The following KCNQ1 variants were observed in gnomAD, a reference collection of about 807,000 sequenced individuals.
KCNQ1 encodes potassium voltage-gated channel subfamily Q member 1, also known as potassium voltage-gated channel subfamily KQT member 1.
KCNQ1 carries 49 observed loss-of-function variants against 72.4 expected under a neutral mutation model. That is an observed-to-expected ratio of 0.68 (90% CI 0.54 to 0.86). KCNQ1 has a LOEUF of 0.86. Ranked by LOEUF, KCNQ1 falls within the 40% of genes least tolerant of loss-of-function variation. The probability of loss-of-function intolerance (pLI) is 0.00; values close to 1 mark genes in which losing one functional copy is unlikely to be tolerated. For synonymous variants in KCNQ1, 450 were observed against 412.6 expected (o/e 1.09, Z -1.10); for missense variants, 790 against 945.1 (o/e 0.84, Z 2.15).
intron 10 of KCNQ1, chr11:2,628,208 C>A (rs759884578): frequency 8.0e-5 from 32 of 398,582 alleles, no homozygotes; most frequent in Non-Finnish European, 1.2e-4. Context: ...TAAAGAAAAT[C>A]TATCGTGTTT....
Position 2,816,710 on chromosome 11 carries a change from G to A in KCNQ1, c.1795-31057G>A, listed in dbSNP as rs762299601. On this transcript the variant is annotated intron_variant, in intron 15 of 15. Transcript: ENST00000155840. The surrounding 1 kb of genome is among the most constrained non-coding windows in gnomAD (Gnocchi z 6.8). ...TCCTGGAACATTCTGGCTCACTCCCGCCTCAGGCCCACTGCCCTGGCTGGA... is the reference window on the plus strand; with the variant it reads ...TCCTGGAACATTCTGGCTCACTCCCACCTCAGGCCCACTGCCCTGGCTGGA... Among the ~76,000 whole-genome samples the A allele has an allele frequency of 4.6e-5, 7 of 152,042 alleles. No individual in the cohort carries two copies. Among genetic ancestry groups the A allele is most frequent in the South Asian group, 2.1e-4 (1 of 4,824 alleles).
chr11:2,657,072 T>C lies in KCNQ1; in HGVS notation c.1394-4889T>C, dbSNP rs138968764. 2.2e-4 allele frequency: 87 copies of C among 398,640 alleles called. No individual in the cohort carries two copies. Among genetic ancestry groups the C allele is most frequent in the African/African-American group, 1.2e-3 (60 of 48,748 alleles). The allele number at this position is 398,640 out of a possible 1,614,324, so 24.7% of individuals were successfully genotyped here. A position where few individuals can be genotyped will look rare whatever the true frequency, so the allele number is the denominator to read the frequency against. ...TTTCCCAATGCTCAATCCTGTCCCA[T>C]TGGCCTATTTGTCTCTCCCTGTGTC... is the stretch of plus-strand genomic sequence containing the variant. On this transcript the variant is annotated intron_variant, in intron 10 of 15. Transcript: ENST00000155840. The surrounding 1 kb of genome is among the most constrained non-coding windows in gnomAD (Gnocchi z 4.8).
chr11:2,607,369 G>A (rs1157448235), intron 10 of KCNQ1, among the ~76,000 whole-genome samples: 3 of 152,148 alleles, frequency 2.0e-5, no homozygotes, highest in African/African-American at 7.2e-5. Flanking sequence ...GACTGAATGT[G>A]TGTGTTTCCT....
rs1345844293 is a variant in KCNQ1 at position 2,623,796 on chromosome 11, T to C, written c.1393+34942T>C. 1 of 398,614 alleles carries C rather than the reference T, an allele frequency of 2.5e-6. No individual in the cohort carries two copies. The highest frequency in any genetic ancestry group is 4.4e-6 in the Non-Finnish European group (1 of 226,060). The allele number at this position is 398,614 out of a possible 1,614,324, so 24.7% of individuals were successfully genotyped here. The stretch of plus-strand genomic sequence containing the variant: ...CTTTGAGTAAATACCAAGGATGTGA[T>C]TGCTGAACTGCATGGTAAGAATATG... On this transcript the variant is annotated intron_variant, in intron 10 of 15. Transcript: ENST00000155840. This position sits in a 1 kb window ranked among gnomAD's most constrained non-coding sequence, Gnocchi z 5.2.
intron 11 of KCNQ1, chr11:2,696,311 T>TC: frequency 2.5e-6 from 1 of 398,650 alleles, no homozygotes; most frequent in Non-Finnish European, 4.4e-6. Context: ...GAATCCATAT[T>TC]CCTATTCCTC....
In KCNQ1 at chr11:2,491,382, T is replaced by C. The variant is rs529990786; in HGVS notation, c.387-36546T>C. Reference sequence around the variant, plus strand: ...GGAATTCAGAATTCTATCAGATAAATTTAATAAAGAGATTAAAATAAGAAT... The same window carrying C: ...GGAATTCAGAATTCTATCAGATAAACTTAATAAAGAGATTAAAATAAGAAT... On this transcript the variant is annotated intron_variant, in intron 1 of 15. Coordinates refer to ENST00000155840, the MANE Select transcript of KCNQ1 (RefSeq NM_000218.3). The surrounding 1 kb of genome is among the most constrained non-coding windows in gnomAD (Gnocchi z 4.1). Among the ~76,000 whole-genome samples, 1 of 152,176 alleles carries C rather than the reference T, an allele frequency of 6.6e-6. No individual in the cohort carries two copies. The highest frequency in any genetic ancestry group is 2.4e-5 in the African/African-American group (1 of 41,444).
chr11:2,454,811 G>C (rs1192253982), intron 1 of KCNQ1, among the ~76,000 whole-genome samples: 2 of 151,518 alleles, frequency 1.3e-5, no homozygotes, highest in Non-Finnish European at 2.9e-5. Context: ...GGTAAATGTG[G>C]TACTGAATGG....
At chr11:2,821,057 A>G (rs1359903659) in intron 15 of KCNQ1, among the ~76,000 whole-genome samples, 1 of 152,208 alleles carries the variant, frequency 6.6e-6, no homozygotes, top group East Asian at 1.9e-4. Context: ...CCCTCTAAGG[A>G]CATCAGCACT....
In KCNQ1 at chr11:2,457,968, C is replaced by G. The variant is rs1846220786; in HGVS notation, c.386+12484C>G. ...CCCAGGACCAAGGACCACTCAGCAG[C>G]TAAGAGCATCTCTAGACCCCAGACT... On this transcript the variant is annotated intron_variant, in intron 1 of 15. Coordinates refer to ENST00000155840, the MANE Select transcript of KCNQ1 (RefSeq NM_000218.3). This position sits in a 1 kb window ranked among gnomAD's most constrained non-coding sequence, Gnocchi z 5.0. Among the ~76,000 whole-genome samples the G allele has an allele frequency of 6.6e-6, 1 of 152,068 alleles. No individual in the cohort carries two copies. Among genetic ancestry groups the G allele is most frequent in the South Asian group, 2.1e-4 (1 of 4,822 alleles).
rs868840121 is a variant in KCNQ1, at chr11:2,759,413, T to C, written c.1515-9431T>C. On this transcript the variant is annotated intron_variant, in intron 11 of 15. Coordinates refer to ENST00000155840, the MANE Select transcript of KCNQ1 (RefSeq NM_000218.3). The surrounding 1 kb of genome is among the most constrained non-coding windows in gnomAD (Gnocchi z 4.4). ...TCTCTTCATCTCACAAGCCTGCATG[T>C]GTGCAGAGGGCAGGGGTCCCCAGGG... 2.0e-5 allele frequency among the ~76,000 whole-genome samples: 3 copies of C among 152,160 alleles called. No individual in the cohort carries two copies. Among genetic ancestry groups the C allele is most frequent in the African/African-American group, 4.8e-5 (2 of 41,436 alleles).
At chr11:2,646,167 A>G in intron 10 of KCNQ1, 2 of 398,624 alleles carry the variant, frequency 5.0e-6, no homozygotes, top group Non-Finnish European at 8.8e-6. Context: ...GAGGCGATCT[A>G]TATAAACTGT....
chr11:2,659,734 A>C lies in KCNQ1; in HGVS notation c.1394-2227A>C, dbSNP rs891718553. On this transcript the variant is annotated intron_variant, in intron 10 of 15. Transcript: ENST00000155840. The surrounding 1 kb of genome is among the most constrained non-coding windows in gnomAD (Gnocchi z 4.3). ...CACCAGTAACATATGAGAGTTCTAC[A>C]TGTTCCACATCCTCAAGAGTGGTTG... 2.5e-6 allele frequency: 1 copy of C among 398,530 alleles called. No individual in the cohort carries two copies. The highest frequency in any genetic ancestry group is 4.4e-6 in the Non-Finnish European group (1 of 226,016). The allele number at this position is 398,530 out of a possible 1,614,324, so 24.7% of individuals were successfully genotyped here. A position where few individuals can be genotyped will look rare whatever the true frequency, so the allele number is the denominator to read the frequency against.
rs1458856752 is a variant in KCNQ1 at position 2,626,950 on chromosome 11, T to A, written c.1394-35011T>A. ...GAATTTTAGGATGGGGTTTCTTCTT[T>A]CTGCAAATAACATCATTAGGATTTT... On this transcript the variant is annotated intron_variant, in intron 10 of 15. Transcript: ENST00000155840. The surrounding 1 kb of genome is among the most constrained non-coding windows in gnomAD (Gnocchi z 4.0). 1.3e-5 allele frequency: 5 copies of A among 398,490 alleles called. No homozygotes were observed. The allele number at this position is 398,490 out of a possible 1,614,324, so 24.7% of individuals were successfully genotyped here.
chr11:2,539,664 G>A (rs529505262), intron 2 of KCNQ1, among the ~76,000 whole-genome samples: 8 of 152,356 alleles, frequency 5.3e-5, no homozygotes, highest in South Asian at 2.1e-4. Flanking sequence ...GCCAGTTCCC[G>A]TGTTTTCTCT....
At chr11:2,846,138 G>A (rs554466019) in intron 15 of KCNQ1, among the ~76,000 whole-genome samples, 5 of 152,288 alleles carry the variant, frequency 3.3e-5, no homozygotes, top group Admixed American at 6.5e-5. Context: ...GGGGCCGGGC[G>A]CATGAGGGAC....
chr11:2,739,945 C>T (rs1846023194), intron 11 of KCNQ1, among the ~76,000 whole-genome samples: 1 of 152,232 alleles, frequency 6.6e-6, no homozygotes, highest in Non-Finnish European at 1.5e-5. Flanking sequence ...CCTGGGTGTG[C>T]AGGTGGGGTG....
In KCNQ1 at chr11:2,664,597, C is replaced by T. The variant is rs556783941; in HGVS notation, c.1514+2516C>T. 2 of 398,698 alleles carry T rather than the reference C, an allele frequency of 5.0e-6. No homozygotes were observed. Among genetic ancestry groups the T allele is most frequent in the South Asian group, 2.5e-4 (2 of 7,858 alleles). The allele number at this position is 398,698 out of a possible 1,614,324, so 24.7% of individuals were successfully genotyped here. A position where few individuals can be genotyped will look rare whatever the true frequency, so the allele number is the denominator to read the frequency against. ...CCGCATTGGGGCTGCATTCCTCCACCTCCTGCACAGCCCGCCCAGTGATGC... is the reference window on the plus strand; with the variant it reads ...CCGCATTGGGGCTGCATTCCTCCACTTCCTGCACAGCCCGCCCAGTGATGC... On this transcript the variant is annotated intron_variant, in intron 11 of 15. Transcript: ENST00000155840. This position sits in a 1 kb window ranked among gnomAD's most constrained non-coding sequence, Gnocchi z 5.1.
Position 2,767,941 on chromosome 11 carries a change from C to T in KCNQ1, c.1515-903C>T, listed in dbSNP as rs1003781565. 2.6e-5 allele frequency among the ~76,000 whole-genome samples: 4 copies of T among 152,362 alleles called. No homozygotes were observed. Among genetic ancestry groups the T allele is most frequent in the African/African-American group, 9.6e-5 (4 of 41,586 alleles). ...TTTTATCACTAGCCCACTGGGCCCC[C>T]ACCCTGTTGGGTGTCAGTGCTCCCC... On this transcript the variant is annotated intron_variant, in intron 11 of 15. Transcript: ENST00000155840. The surrounding 1 kb of genome is among the most constrained non-coding windows in gnomAD (Gnocchi z 4.6).
chr11:2,795,203 C>A (rs752732873), intron 15 of KCNQ1, among the ~76,000 whole-genome samples: 2 of 152,220 alleles, frequency 1.3e-5, no homozygotes, highest in Non-Finnish European at 2.9e-5. Flanking sequence ...CTCTCGGGTG[C>A]TGTAGGGATG....
Sources: gnomAD v4.1 joint callset for allele counts (sites outside exome capture counted in the v4.1 genomes callset) on GRCh38, gnomAD v4.1.1 for gene constraint, Gnocchi (gnomAD v3.1) non-coding constraint, MANE v1.5 for transcripts, NCBI Gene and HGNC (gene_info 2026-07-23, HGNC 2026-07-21) for gene names.